AGBL4: variants seen among roughly 807,000 people sequenced by gnomAD.
AGBL4 encodes AGBL carboxypeptidase 4.
In AGBL4, 58 loss-of-function variants were observed where a neutral mutation model predicts 66.4. That is an observed-to-expected ratio of 0.87 (90% CI 0.71 to 1.09). AGBL4 has a LOEUF of 1.09. Among genes scored for constraint, AGBL4 ranks in the 50% least tolerant of loss-of-function variants. AGBL4 has a pLI of 0.00. For missense variants in AGBL4, 579 were observed against 631.0 expected, an observed-to-expected ratio of 0.92 and a Z score of 0.88; for synonymous variants, 234 against 222.9, an observed-to-expected ratio of 1.05 and a Z score of -0.44.
At chr1:49,225,519 ACCC>A (rs1649846600) in intron 4 of AGBL4, among the ~76,000 whole-genome samples, 1 of 152,154 alleles carries the variant, frequency 6.6e-6, no homozygotes. Context: ...GTTCCACCAG[ACCC>A]AAGGTGGGAC....
At chr1:48,698,453 C>T (rs754466914) in intron 6 of AGBL4, among the ~76,000 whole-genome samples, 4 of 152,204 alleles carry the variant, frequency 2.6e-5, no homozygotes, top group Non-Finnish European at 4.4e-5. Context: ...GCCAAGGCCA[C>T]CTGAGATGTT....
intron 2 of AGBL4, among the ~76,000 whole-genome samples, chr1:49,744,808 A>G (rs1345000240): frequency 6.6e-6 from 1 of 152,102 alleles, no homozygotes; most frequent in Admixed American, 6.6e-5. Flanking sequence ...AGAAAGCTAT[A>G]TAGAAACAAA....
chr1:48,788,238 G>C (rs1253846066), intron 6 of AGBL4, among the ~76,000 whole-genome samples: 1 of 152,248 alleles, frequency 6.6e-6, no homozygotes, highest in African/African-American at 2.4e-5. Context: ...CAAAAACTAT[G>C]AGTTGCCTTT....
At chr1:48,586,656 G>C (rs1644825032) in intron 11 of AGBL4, 1 of 264,450 alleles carries the variant, frequency 3.8e-6, no homozygotes, top group Non-Finnish European at 7.4e-6. Context: ...CAGCAACCCT[G>C]GGGATGGTCA....
At chr1:49,484,225 G>GAT (rs1647016145) in intron 3 of AGBL4, among the ~76,000 whole-genome samples, 1 of 151,990 alleles carries the variant, frequency 6.6e-6, no homozygotes, top group East Asian at 1.9e-4. Flanking sequence ...GCTATGTTAT[G>GAT]ATCCAGCAAT....
chr1:49,785,893 AATATAT>A (rs34005960), intron 2 of AGBL4, among the ~76,000 whole-genome samples: 6 of 140,908 alleles, frequency 4.3e-5, no homozygotes, highest in East Asian at 2.2e-4. Context: ...GGAAAAAAAA[AATATAT>A]ATATATATAT....
intron 2 of AGBL4, among the ~76,000 whole-genome samples, chr1:49,799,996 C>T (rs78382557): frequency 0.028 from 4,200 of 152,212 alleles, 163 homozygotes; most frequent in African/African-American, 0.095. Context: ...AGAGATCAAT[C>T]CCTTAACTAT....
intron 1 of AGBL4, among the ~76,000 whole-genome samples, chr1:49,870,903 G>T (rs1432804791): frequency 2.6e-5 from 4 of 152,058 alleles, no homozygotes; most frequent in African/African-American, 9.7e-5. Context: ...TATTGATGAA[G>T]ATATAAAATG....
At chr1:48,875,979 A>C (rs1199461111) in intron 5 of AGBL4, among the ~76,000 whole-genome samples, 1 of 152,192 alleles carries the variant, frequency 6.6e-6, no homozygotes, top group African/African-American at 2.4e-5. Context: ...TCGCAGGTTT[A>C]TAGGCAGAAA....
chr1:48,780,318 A>G (rs1385356666), intron 6 of AGBL4, among the ~76,000 whole-genome samples: 1 of 152,010 alleles, frequency 6.6e-6, no homozygotes, highest in Admixed American at 6.6e-5. Flanking sequence ...GCTCATGGAT[A>G]GGAAGAATCA....
intron 3 of AGBL4, among the ~76,000 whole-genome samples, chr1:49,583,047 C>T (rs1212722939): frequency 1.3e-5 from 2 of 152,112 alleles, no homozygotes; most frequent in African/African-American, 2.4e-5. Context: ...AAGTGATACA[C>T]GTGTTAGGAG....
intron 3 of AGBL4, among the ~76,000 whole-genome samples, chr1:49,251,099 C>T (rs1481537927): frequency 6.6e-6 from 1 of 152,170 alleles, no homozygotes; most frequent in Non-Finnish European, 1.5e-5. Flanking sequence ...CCTGGGTCCC[C>T]AGCCTGGCCA....
At chr1:49,814,602 G>C (rs534426581) in intron 2 of AGBL4, among the ~76,000 whole-genome samples, 23 of 152,218 alleles carry the variant, frequency 1.5e-4, no homozygotes, top group Non-Finnish European at 3.1e-4. Context: ...AATATGTGCT[G>C]CATCTTCAAC....
intron 3 of AGBL4, among the ~76,000 whole-genome samples, chr1:49,275,445 T>C (rs1403040360): frequency 1.3e-5 from 2 of 152,170 alleles, no homozygotes; most frequent in Non-Finnish European, 2.9e-5. Context: ...AGATTCCTTA[T>C]TAAAAAGTTC....
At chr1:49,526,477 A>T (rs1260104342) in intron 3 of AGBL4, among the ~76,000 whole-genome samples, 1 of 152,140 alleles carries the variant, frequency 6.6e-6, no homozygotes, top group African/African-American at 2.4e-5. Context: ...TAAGAGAAAA[A>T]AAAGAAGGAG....
At chr1:49,901,591 T>C (rs1476608408) in intron 1 of AGBL4, among the ~76,000 whole-genome samples, 1 of 152,136 alleles carries the variant, frequency 6.6e-6, no homozygotes, top group African/African-American at 2.4e-5. Context: ...GAGGAATCAA[T>C]ATGGTTAAAA....
At chr1:49,741,492 T>C (rs1650466205) in intron 2 of AGBL4, among the ~76,000 whole-genome samples, 1 of 152,188 alleles carries the variant, frequency 6.6e-6, no homozygotes, top group Non-Finnish European at 1.5e-5. Flanking sequence ...ATGGTACCAT[T>C]CCTTCTGAAA....
At chr1:49,889,897 GATGA>G (rs1648464313) in intron 1 of AGBL4, among the ~76,000 whole-genome samples, 1 of 152,178 alleles carries the variant, frequency 6.6e-6, no homozygotes, top group African/African-American at 2.4e-5. Context: ...TGAATGAATG[GATGA>G]ATAAGTGATT....
At chr1:49,124,275 A>G (rs1645721193) in intron 4 of AGBL4, among the ~76,000 whole-genome samples, 1 of 152,218 alleles carries the variant, frequency 6.6e-6, no homozygotes, top group Admixed American at 6.5e-5. Flanking sequence ...CTGGTTTGCA[A>G]TGAAGAGTCC....
Sources: allele counts gnomAD v4.1 joint callset (sites outside exome capture counted in the v4.1 genomes callset), GRCh38; gene constraint gnomAD v4.1.1; transcripts MANE v1.5; gene names NCBI Gene and HGNC (gene_info 2026-07-23, HGNC 2026-07-21).